Variants in ZNF83 observed in about 807,000 individuals in gnomAD.
ZNF83 encodes the protein zinc finger protein 83.
For synonymous variants in ZNF83, 209 were observed against 213.0 expected, an observed-to-expected ratio of 0.98 and a Z score of 0.17; for missense variants, 552 against 629.9, an observed-to-expected ratio of 0.88 and a Z score of 1.32.
intron 1 of ZNF83, among the ~76,000 whole-genome samples, chr19:52,670,479 C>A (rs2061710546): frequency 6.6e-6 from 1 of 152,116 alleles, no homozygotes; most frequent in South Asian, 2.1e-4. Flanking sequence ...AAGTAAATTG[C>A]CTTTCTGAGA....
At chr19:52,680,793 T>C (rs568332364) in intron 1 of ZNF83, among the ~76,000 whole-genome samples, 6 of 147,664 alleles carry the variant, frequency 4.1e-5, no homozygotes, top group Admixed American at 2.0e-4. Flanking sequence ...TTTGTATTTT[T>C]AGTAGAGACG....
At chr19:52,623,913 G>A (rs2060639122) in intron 2 of ZNF83, among the ~76,000 whole-genome samples, 1 of 152,114 alleles carries the variant, frequency 6.6e-6, no homozygotes, top group Admixed American at 6.5e-5. Context: ...ACCCTGTGGT[G>A]CCCAACCTGT....
chr19:52,663,089 G>A (rs1289250563), intron 1 of ZNF83, among the ~76,000 whole-genome samples: 1 of 151,992 alleles, frequency 6.6e-6, no homozygotes, highest in Non-Finnish European at 1.5e-5. Context: ...CTTGGACCTG[G>A]GAAGCAGAGG....
chr19:52,667,495 G>A (rs1446305304), intron 1 of ZNF83, among the ~76,000 whole-genome samples: 1 of 152,170 alleles, frequency 6.6e-6, no homozygotes, highest in African/African-American at 2.4e-5. Context: ...TGTGCAAGTT[G>A]TGTAAGGAAA....
intron 1 of ZNF83, among the ~76,000 whole-genome samples, chr19:52,681,220 CTGCAGTGAGT>C (rs2061911712): frequency 7.4e-6 from 1 of 134,474 alleles, no homozygotes; most frequent in African/African-American, 2.8e-5. Flanking sequence ...GAGACGGAGG[CTGCAGTGAGT>C]TGAGATCACA....
rs563360561 is a variant in ZNF83 at position 52,635,949 on chromosome 19, G to A, written c.-321-796C>T. ...TGAGATTGTGGTGAGCCGAAATCAC[G>A]CCACTGCACTCCAGCCTGGGAAACA... On this transcript the variant is annotated intron_variant, in intron 1 of 2. Coordinates refer to ENST00000301096, the Ensembl canonical transcript of ZNF83. 11 of 147,422 alleles carry A rather than the reference G, an allele frequency of 7.5e-5. No homozygotes were observed. The South Asian group carries it at 1.3e-3, about 17-fold the overall frequency. 9.1% of individuals were successfully genotyped at this position (147,422 alleles called of 1,614,324 possible).
At chr19:52,686,747 A>G (rs1013621524) in intron 1 of ZNF83, among the ~76,000 whole-genome samples, 3 of 151,846 alleles carry the variant, frequency 2.0e-5, no homozygotes, top group African/African-American at 7.3e-5. Flanking sequence ...TAAGTTTTGT[A>G]TTTTTCATAG....
chr19:52,653,690 G>A (rs61734108), intron 3 of ZNF83, among the ~76,000 whole-genome samples: 12,289 of 152,234 alleles, frequency 0.081, 536 homozygotes, highest in Middle Eastern at 0.1. Flanking sequence ...TGGCGTGTAA[G>A]AGATGACTTG....
In ZNF83 at chr19:52,673,247, T is replaced by C. The variant is rs191209197; in HGVS notation, c.-282-12404A>G. On this transcript the variant is annotated intron_variant, in intron 1 of 5. Coordinates refer to the ZNF83 transcript ENST00000594682. The stretch of plus-strand genomic sequence containing the variant: ...AATGGCTGGGCACAGTGGCTCATGC[T>C]TGAATCCCAGCACTTTGGGAGCCAA... Among the ~76,000 whole-genome samples the C allele has an allele frequency of 2.6e-3, 403 of 152,230 alleles. 3 individuals carry two copies. The highest frequency in any genetic ancestry group is 4.0e-3 in the Non-Finnish European group (274 of 68,006).
At chr19:52,613,103 T>C (rs1350667934) in exon 3 of ZNF83, 5 of 1,613,898 alleles carry the variant, frequency 3.1e-6, no homozygotes, top group South Asian at 2.2e-5. Flanking sequence ...CCACATTCAT[T>C]ACATTTGAAA....
chr19:52,670,861 C>G (rs2061715229), intron 1 of ZNF83, among the ~76,000 whole-genome samples: 1 of 152,124 alleles, frequency 6.6e-6, no homozygotes, highest in Admixed American at 6.5e-5. Context: ...TTGAGTTTGT[C>G]TAAATACCTG....
intron 2 of ZNF83, among the ~76,000 whole-genome samples, chr19:52,625,356 T>G (rs1344014366): frequency 6.6e-6 from 1 of 152,180 alleles, no homozygotes; most frequent in Non-Finnish European, 1.5e-5. Context: ...CCTCCATCAT[T>G]AATGCCTCCT....
chr19:52,687,639 A>G lies in ZNF83; in HGVS notation c.-283+2804T>C, dbSNP rs1351397072. ...GTGTATATATATATATAATGTATAT[A>G]TATATATATATATATATAATGTATA... On this transcript the variant is annotated intron_variant, in intron 1 of 5. Transcript: ENST00000594682. 4.4e-3 allele frequency among the ~76,000 whole-genome samples: 185 copies of G among 42,150 alleles called. 36 individuals are homozygous for G. Among genetic ancestry groups the G allele is most frequent in the South Asian group, 0.019 (33 of 1,744 alleles). The allele number at this position is 42,150 out of a possible 152,430, so 27.7% of individuals were successfully genotyped here. A position where few individuals can be genotyped will look rare whatever the true frequency, so the allele number is the denominator to read the frequency against.
At chr19:52,675,748 G>A (rs932935079) in intron 1 of ZNF83, among the ~76,000 whole-genome samples, 3 of 152,220 alleles carry the variant, frequency 2.0e-5, no homozygotes, top group East Asian at 1.9e-4. Context: ...ATGTAGGAGT[G>A]AATTTTGTGC....
intron 2 of ZNF83, among the ~76,000 whole-genome samples, chr19:52,634,464 CCTG>C (rs1401809040): frequency 6.6e-6 from 1 of 152,114 alleles, no homozygotes; most frequent in Non-Finnish European, 1.5e-5. Context: ...TAAAGAATCT[CCTG>C]CTATTATTCA....
intron 1 of ZNF83, among the ~76,000 whole-genome samples, chr19:52,684,163 G>A (rs1399774562): frequency 6.6e-6 from 1 of 152,100 alleles, no homozygotes; most frequent in Non-Finnish European, 1.5e-5. Context: ...GAGGTCAGGA[G>A]TTTGAGACCA....
chr19:52,676,549 G>A (rs1167899552), intron 1 of ZNF83, among the ~76,000 whole-genome samples: 2 of 151,838 alleles, frequency 1.3e-5, no homozygotes, highest in South Asian at 2.1e-4. Context: ...GAGGGAGGTG[G>A]GGGGCGCCTC....
upstream of ZNF83, among the ~76,000 whole-genome samples, chr19:52,643,268 C>T (rs557458476): frequency 1.3e-5 from 2 of 151,314 alleles, no homozygotes; most frequent in African/African-American, 2.4e-5. Context: ...GCACAAAAAT[C>T]GCTTGAACCC....
chr19:52,634,702 T>A (rs1394472312), intron 2 of ZNF83, among the ~76,000 whole-genome samples: 2 of 152,158 alleles, frequency 1.3e-5, no homozygotes, highest in Admixed American at 6.5e-5. Context: ...ATACGTGACT[T>A]CCATTGGCAG....
Sources: allele counts gnomAD v4.1 joint callset (sites outside exome capture counted in the v4.1 genomes callset), GRCh38; gene constraint gnomAD v4.1.1; transcripts MANE v1.5; gene names NCBI Gene and HGNC (gene_info 2026-07-23, HGNC 2026-07-21).